The following ATRNL1 variants were observed in gnomAD, a reference collection of about 807,000 sequenced individuals.
ATRNL1 encodes the protein attractin-like protein 1.
Under a neutral mutation model 182.7 loss-of-function variants are expected in ATRNL1, and 95 were observed. The ratio of observed to expected loss-of-function variants is 0.52; its 90% CI spans 0.44 to 0.62. The LOEUF (loss-of-function observed/expected upper bound fraction) is 0.62, where lower values mean the gene tolerates loss of function less well. ATRNL1 is among the 20% of genes least tolerant of loss of function. ATRNL1 has a pLI of 0.00. For synonymous variants in ATRNL1, 576 were observed against 568.3 expected (o/e 1.01, Z -0.19); for missense variants, 1,471 against 1,679.5 (o/e 0.88, Z 2.17).
chr10:115,861,384 T>TC (rs1432305912), intron 28 of ATRNL1, among the ~76,000 whole-genome samples: 6 of 152,252 alleles, frequency 3.9e-5, no homozygotes, highest in African/African-American at 1.4e-4. Context: ...CTTAATTATT[T>TC]CCCCCACTTT....
intron 27 of ATRNL1, among the ~76,000 whole-genome samples, chr10:115,762,280 C>G (rs1198350092): frequency 3.2e-5 from 4 of 125,076 alleles, no homozygotes; most frequent in African/African-American, 1.0e-4. Flanking sequence ...TTCCTCCTGG[C>G]TCAGACTGCA....
At chr10:115,792,277 A>C (rs1321433800) in intron 27 of ATRNL1, among the ~76,000 whole-genome samples, 7 of 151,974 alleles carry the variant, frequency 4.6e-5, no homozygotes, top group African/African-American at 1.7e-4. Context: ...AACAATGTCC[A>C]CCTTTCTTTT....
At chr10:115,133,436 C>G (rs1845354696) in intron 5 of ATRNL1, among the ~76,000 whole-genome samples, 1 of 151,980 alleles carries the variant, frequency 6.6e-6, no homozygotes, top group Non-Finnish European at 1.5e-5. Context: ...CAACAAACAT[C>G]AAAAGAGATA....
chr10:115,762,094 C>A (rs1948746772), intron 27 of ATRNL1, among the ~76,000 whole-genome samples: 1 of 152,174 alleles, frequency 6.6e-6, no homozygotes, highest in South Asian at 2.1e-4. Flanking sequence ...TGAGCACTTG[C>A]TCCATGTATG....
At chr10:115,670,483 A>C (rs1206732322) in intron 26 of ATRNL1, among the ~76,000 whole-genome samples, 2 of 152,138 alleles carry the variant, frequency 1.3e-5, no homozygotes, top group Non-Finnish European at 2.9e-5. Flanking sequence ...ATTTCACAAT[A>C]TATGAGATAT....
intron 8 of ATRNL1, among the ~76,000 whole-genome samples, chr10:115,184,350 TTA>T (rs138994333): frequency 3.4e-4 from 51 of 149,722 alleles, no homozygotes; most frequent in Non-Finnish European, 4.9e-4. Context: ...CAGTGCAAGA[TTA>T]TATATATATA....
At chr10:115,663,102 G>A (rs1328087124) in intron 26 of ATRNL1, among the ~76,000 whole-genome samples, 1 of 151,912 alleles carries the variant, frequency 6.6e-6, no homozygotes, top group African/African-American at 2.4e-5. Context: ...TTTGTAACTG[G>A]TTAGTATATG....
intron 11 of ATRNL1, 135 bp downstream of exon 11, chr10:115,265,412 G>T: frequency 2.0e-6 from 1 of 508,284 alleles, no homozygotes; most frequent in Non-Finnish European, 3.5e-6. Context: ...CTCTACCATA[G>T]AATGCATTTT....
chr10:115,304,204 A>G (rs1853617739), intron 17 of ATRNL1, among the ~76,000 whole-genome samples: 1 of 152,154 alleles, frequency 6.6e-6, no homozygotes, highest in Non-Finnish European at 1.5e-5. Flanking sequence ...TTCTTATTAG[A>G]TCATTGACTT....
intron 1 of ATRNL1, among the ~76,000 whole-genome samples, chr10:115,098,531 G>A (rs1318310226): frequency 2.8e-5 from 4 of 141,882 alleles, no homozygotes; most frequent in African/African-American, 8.3e-5. Context: ...GCGCAATCTC[G>A]GCTCACTGCA....
chr10:115,420,998 A>G (rs1845624882), intron 20 of ATRNL1, among the ~76,000 whole-genome samples: 1 of 152,156 alleles, frequency 6.6e-6, no homozygotes, highest in South Asian at 2.1e-4. Flanking sequence ...TGGATCATGA[A>G]GAAATAGAAA....
chr10:115,501,920 G>C (rs1554980196), intron 24 of ATRNL1, among the ~76,000 whole-genome samples: 1 of 152,020 alleles, frequency 6.6e-6, no homozygotes, highest in East Asian at 1.9e-4. Flanking sequence ...AGTTATCAGA[G>C]ATTGCATTCA....
At chr10:115,361,224 A>G (rs1183000365) in intron 19 of ATRNL1, among the ~76,000 whole-genome samples, 2 of 151,882 alleles carry the variant, frequency 1.3e-5, no homozygotes, top group African/African-American at 2.4e-5. Flanking sequence ...GTGATTTTCT[A>G]ATTTCTTTAT....
intron 28 of ATRNL1, among the ~76,000 whole-genome samples, chr10:115,857,739 A>G (rs1295979544): frequency 2.0e-5 from 3 of 152,246 alleles, no homozygotes; most frequent in African/African-American, 7.2e-5. Context: ...CTAATTAAAC[A>G]TGCTGCAGAA....
chr10:115,846,903 C>T (rs1950941502), intron 27 of ATRNL1, among the ~76,000 whole-genome samples: 1 of 152,070 alleles, frequency 6.6e-6, no homozygotes. Flanking sequence ...CCTCTTGCTT[C>T]AGTGTTCTCA....
intron 26 of ATRNL1, among the ~76,000 whole-genome samples, chr10:115,676,691 A>G (rs1025220271): frequency 4.0e-4 from 61 of 151,678 alleles, no homozygotes; most frequent in African/African-American, 1.4e-3. Context: ...TATTTTTTTA[A>G]AAAAAGATAA....
At chr10:115,882,533 C>T (rs1555108846) in intron 28 of ATRNL1, among the ~76,000 whole-genome samples, 1 of 152,102 alleles carries the variant, frequency 6.6e-6, no homozygotes, top group Admixed American at 6.5e-5. Flanking sequence ...GCCTGTAAGA[C>T]TTGCTGTCAT....
At chr10:115,778,886 A>G (rs1171000183) in intron 27 of ATRNL1, among the ~76,000 whole-genome samples, 1 of 152,222 alleles carries the variant, frequency 6.6e-6, no homozygotes, top group Non-Finnish European at 1.5e-5. Flanking sequence ...ATTTCAGAGG[A>G]TAAAGGGATA....
chr10:115,417,204 C>T (rs1845431556), intron 20 of ATRNL1, among the ~76,000 whole-genome samples: 1 of 152,202 alleles, frequency 6.6e-6, no homozygotes, highest in Admixed American at 6.5e-5. Context: ...AAATCATCTT[C>T]TAAGGGGTCT....
Sources: allele counts gnomAD v4.1 joint callset (sites outside exome capture counted in the v4.1 genomes callset), GRCh38; gene constraint gnomAD v4.1.1; transcripts MANE v1.5; gene names NCBI Gene and HGNC (gene_info 2026-07-23, HGNC 2026-07-21).